PPFIA2: variants seen among roughly 807,000 people sequenced by gnomAD.
PPFIA2 encodes liprin-alpha-2.
Under a neutral mutation model 175.5 loss-of-function variants are expected in PPFIA2, and 46 were observed. That is an observed-to-expected ratio of 0.26 (90% CI 0.21 to 0.34). The LOEUF is 0.34. Ranked by LOEUF, PPFIA2 falls within the 10% of genes least tolerant of loss-of-function variation. The probability of loss-of-function intolerance (pLI) is 1.00; values close to 1 mark genes in which losing one functional copy is unlikely to be tolerated. For missense variants in PPFIA2, 1,179 were observed against 1,506.1 expected, an observed-to-expected ratio of 0.78 and a Z score of 3.60; for synonymous variants, 568 against 511.4, an observed-to-expected ratio of 1.11 and a Z score of -1.49.
intron 5 of PPFIA2, among the ~76,000 whole-genome samples, chr12:81,456,374 A>G (rs12426154): frequency 0.16 from 23,713 of 152,072 alleles, 2,720 homozygotes; most frequent in East Asian, 0.41. Context: ...AACCAATTCA[A>G]TGTATGCATG....
chr12:81,616,108 G>C (rs192283973), intron 4 of PPFIA2, among the ~76,000 whole-genome samples: 123 of 152,226 alleles, frequency 8.1e-4, no homozygotes, highest in Admixed American at 1.8e-3. Flanking sequence ...TGAGAGTATT[G>C]TTGGGGGAGA....
intron 22 of PPFIA2, among the ~76,000 whole-genome samples, chr12:81,314,733 T>C (rs73354603): frequency 0.033 from 4,981 of 152,036 alleles, 260 homozygotes; most frequent in African/African-American, 0.11. Context: ...ATTAAATGAG[T>C]TTTATATTTG....
intron 8 of PPFIA2, among the ~76,000 whole-genome samples, chr12:81,404,503 T>C (rs2042585380): frequency 6.6e-6 from 1 of 152,226 alleles, no homozygotes; most frequent in South Asian, 2.1e-4. Flanking sequence ...GTGGTGTATC[T>C]ACTGAAGCAG....
At chr12:81,364,871 A>C (rs151179188) in intron 14 of PPFIA2, among the ~76,000 whole-genome samples, 26 of 151,986 alleles carry the variant, frequency 1.7e-4, no homozygotes, top group African/African-American at 6.0e-4. Context: ...ACTGAAAGAA[A>C]GAAAGAAATT....
chr12:81,632,872 G>A (rs1416997541), intron 4 of PPFIA2, among the ~76,000 whole-genome samples: 1 of 151,982 alleles, frequency 6.6e-6, no homozygotes, highest in Non-Finnish European at 1.5e-5. Context: ...TCTGTTCCCA[G>A]CCCTGTGGAC....
intron 4 of PPFIA2, among the ~76,000 whole-genome samples, chr12:81,675,299 GT>G (rs2072289763): frequency 6.6e-6 from 1 of 151,812 alleles, no homozygotes; most frequent in Non-Finnish European, 1.5e-5. Flanking sequence ...TGACATTGAT[GT>G]CGTTTGCCTT....
intron 4 of PPFIA2, among the ~76,000 whole-genome samples, chr12:81,597,018 C>T (rs1426128692): frequency 3.3e-5 from 5 of 152,024 alleles, no homozygotes; most frequent in Non-Finnish European, 5.9e-5. Flanking sequence ...TTCTGACCAC[C>T]TTTATTATAT....
chr12:81,364,169 G>A (rs2032213875), intron 14 of PPFIA2, among the ~76,000 whole-genome samples: 1 of 151,750 alleles, frequency 6.6e-6, no homozygotes, highest in Non-Finnish European at 1.5e-5. Flanking sequence ...AACAACACGT[G>A]CATACGCCTC....
chr12:81,384,377 G>T, intron 8 of PPFIA2, 133 bp from the exon 9 acceptor site: 1 of 679,486 alleles, frequency 1.5e-6, no homozygotes, highest in Non-Finnish European at 2.4e-6. Context: ...AACTAGTTTT[G>T]CCGAAAAACT....
At chr12:81,442,415 C>T (rs1189612859) in intron 6 of PPFIA2, among the ~76,000 whole-genome samples, 1 of 151,846 alleles carries the variant, frequency 6.6e-6, no homozygotes, top group East Asian at 1.9e-4. Context: ...ACCAGAAGCT[C>T]TAATTCATTC....
intron 18 of PPFIA2, 55 bp from the exon 19 acceptor site, chr12:81,344,748 ATT>A: frequency 7.5e-7 from 1 of 1,338,938 alleles, no homozygotes; most frequent in Non-Finnish European, 1.0e-6. Context: ...ATTAACAATC[ATT>A]TGACCAAGTT....
At chr12:81,725,648 A>T (rs1231560771) in intron 3 of PPFIA2, among the ~76,000 whole-genome samples, 1 of 150,992 alleles carries the variant, frequency 6.6e-6, no homozygotes, top group African/African-American at 2.4e-5. Flanking sequence ...AAAGTATTTT[A>T]AAATGATAAA....
intron 4 of PPFIA2, among the ~76,000 whole-genome samples, chr12:81,467,535 A>G (rs1029215025): frequency 6.6e-6 from 1 of 152,126 alleles, no homozygotes; most frequent in East Asian, 1.9e-4. Flanking sequence ...ATAAAATACA[A>G]AAAAATTAAA....
chr12:81,543,585 A>G (rs2066537161), intron 4 of PPFIA2, among the ~76,000 whole-genome samples: 1 of 152,170 alleles, frequency 6.6e-6, no homozygotes, highest in Non-Finnish European at 1.5e-5. Flanking sequence ...TTCCTTAAGT[A>G]GGTGGAGCAT....
chr12:81,314,251 G>A (rs1377000249), intron 22 of PPFIA2, among the ~76,000 whole-genome samples: 1 of 151,808 alleles, frequency 6.6e-6, no homozygotes, highest in African/African-American at 2.4e-5. Context: ...TATATTTGCA[G>A]AGAAGTTTTT....
chr12:81,277,545 C>A, intron 27 of PPFIA2, 131 bp from the exon 28 acceptor site: 1 of 932,852 alleles, frequency 1.1e-6, no homozygotes, highest in Non-Finnish European at 1.4e-6. Context: ...ACATTTGCAG[C>A]CAAATCCTTC....
In PPFIA2 at chr12:81,643,032, TTTA is replaced by T. The variant is rs1186098708; in HGVS notation, c.303+33756_303+33758del. Among the ~76,000 whole-genome samples, 7 of 147,772 alleles carry T rather than the reference TTTA, an allele frequency of 4.7e-5. No individual in the cohort carries two copies. In the South Asian group the frequency reaches 8.4e-4, roughly 18 times the overall value. On this transcript the variant is annotated intron_variant, in intron 4 of 32. Coordinates refer to ENST00000549396, the MANE Select transcript of PPFIA2 (RefSeq NM_003625.5). ...TTATATAGTGTATATATCTATGACA[TTTA>T]TTATTACATGTTATATATACACGTA...
intron 4 of PPFIA2, among the ~76,000 whole-genome samples, chr12:81,581,477 T>C (rs2074392190): frequency 2.6e-5 from 4 of 151,792 alleles, no homozygotes; most frequent in Admixed American, 6.6e-5. Flanking sequence ...TCCTCTTCTC[T>C]GTGAGGCCTC....
At chr12:81,521,025 A>G (rs2063057966) in intron 4 of PPFIA2, among the ~76,000 whole-genome samples, 1 of 152,192 alleles carries the variant, frequency 6.6e-6, no homozygotes, top group Non-Finnish European at 1.5e-5. Flanking sequence ...GTCTATTTAT[A>G]TGTTGCTCTA....
Sources: allele counts gnomAD v4.1 joint callset (sites outside exome capture counted in the v4.1 genomes callset), GRCh38; gene constraint gnomAD v4.1.1; transcripts MANE v1.5; gene names NCBI Gene and HGNC (gene_info 2026-07-23, HGNC 2026-07-21).